The following PDE8B variants were observed in gnomAD, a reference collection of about 807,000 sequenced individuals.
The protein encoded by PDE8B is high affinity cAMP-specific and IBMX-insensitive 3',5'-cyclic phosphodiesterase 8B.
In PDE8B, 26 loss-of-function variants were observed where a neutral mutation model predicts 101.3. The observed-to-expected ratio is 0.26, with a 90% CI of 0.19 to 0.36. The LOEUF is 0.36. Among genes scored for constraint, PDE8B ranks in the 10% least tolerant of loss-of-function variants. The probability of loss-of-function intolerance (pLI) is 1.00; values close to 1 mark genes in which losing one functional copy is unlikely to be tolerated. For missense variants in PDE8B, 810 were observed against 1,163.1 expected (o/e 0.70, Z 4.42); for synonymous variants, 424 against 429.3 (o/e 0.99, Z 0.15).
At chr5:77,409,694 T>A (rs1372462489) in intron 14 of PDE8B, among the ~76,000 whole-genome samples, 1 of 152,134 alleles carries the variant, frequency 6.6e-6, no homozygotes, top group African/African-American at 2.4e-5. Flanking sequence ...TTCATAATTA[T>A]CTATCAGCAA....
chr5:77,334,019 A>G (rs947922917), intron 5 of PDE8B, among the ~76,000 whole-genome samples: 3 of 152,238 alleles, frequency 2.0e-5, no homozygotes, highest in Non-Finnish European at 4.4e-5. Flanking sequence ...CGCTGCACCT[A>G]CAACAGCTCT....
intron 10 of PDE8B, among the ~76,000 whole-genome samples, chr5:77,370,889 A>ACTAATAATG (rs1210929722): frequency 6.6e-6 from 1 of 152,214 alleles, no homozygotes; most frequent in East Asian, 1.9e-4. Context: ...TTCTCTGATG[A>ACTAATAATG]CTAATAATGT....
At chr5:77,299,501 CTA>C (rs1769421190) in intron 1 of PDE8B, among the ~76,000 whole-genome samples, 1 of 148,286 alleles carries the variant, frequency 6.7e-6, no homozygotes, top group Admixed American at 6.8e-5. Context: ...CAGTTCCCAC[CTA>C]TGAGTGAGAA....
the PDE8B span, among the ~76,000 whole-genome samples, chr5:77,130,625 A>G: frequency 6.6e-6 from 1 of 152,218 alleles, no homozygotes; most frequent in African/African-American, 2.4e-5. Flanking sequence ...TTAGAAAGGT[A>G]TATGACACAT....
chr5:77,140,734 C>G, the PDE8B span: 1 of 152,152 alleles, frequency 6.6e-6, no homozygotes, highest in Non-Finnish European at 1.5e-5. Context: ...TTTCCAAAAG[C>G]CTGCAGTTTA....
the PDE8B span, among the ~76,000 whole-genome samples, chr5:77,125,108 T>G: frequency 1.3e-5 from 2 of 152,174 alleles, no homozygotes; most frequent in East Asian, 3.8e-4. Flanking sequence ...TTCTTCCACC[T>G]CAGCCTCTGG....
chr5:77,288,083 G>C (rs1353965400), intron 1 of PDE8B, among the ~76,000 whole-genome samples: 2 of 152,204 alleles, frequency 1.3e-5, no homozygotes, highest in Non-Finnish European at 2.9e-5. Flanking sequence ...CTAGTTGGCA[G>C]CTGGGAAGGG....
chr5:77,400,254 A>G lies in PDE8B; in HGVS notation c.1174A>G (p.Lys392Glu), dbSNP rs150917691. Residue 392 changes from lysine (K) to glutamate (E), a missense_variant, in exon 11 of 22, where the codon AAG (lysine) becomes GAG (glutamate). Physicochemically the swap from Lys to Glu is moderately conservative, Grantham distance 56 (BLOSUM62 1). Transcript: ENST00000264917. ...AACTTTTGAACGACTTTAGATTCAC[A>G]AGATTCATCGTGATTCAGGAGACAA... ...CTTDNNKQIH[K>E]IHRDSGDNSQ... is the part of the protein sequence containing the mutation. 3.1e-6 allele frequency: 5 copies of G among 1,601,260 alleles called. No homozygotes were observed. Among genetic ancestry groups the G allele is most frequent in the Non-Finnish European group, 4.3e-6 (5 of 1,168,438 alleles).
intron 10 of PDE8B, among the ~76,000 whole-genome samples, chr5:77,385,795 G>GTTTTTTTT (rs35717428): frequency 2.8e-5 from 3 of 107,990 alleles, no homozygotes; most frequent in African/African-American, 3.8e-5. Context: ...AGTGAGTGAG[G>GTTTTTTTT]TTTTTTTTTT....
At chr5:77,176,296 G>A in the PDE8B span, among the ~76,000 whole-genome samples, 53 of 152,218 alleles carry the variant, frequency 3.5e-4, no homozygotes, top group South Asian at 6.4e-3. Flanking sequence ...TCACCCTAGC[G>A]CTGTCTACCC....
chr5:77,166,929 G>A, the PDE8B span: 2 of 152,196 alleles, frequency 1.3e-5, no homozygotes, highest in Non-Finnish European at 2.9e-5. Flanking sequence ...TTTCCCTACG[G>A]TACAGTACAT....
At chr5:77,158,816 A>C in the PDE8B span, among the ~76,000 whole-genome samples, 1 of 152,146 alleles carries the variant, frequency 6.6e-6, no homozygotes, top group African/African-American at 2.4e-5. Context: ...ACTACACCTG[A>C]GAAAGAGGGA....
At chr5:77,271,959 G>A (rs1287104025) in intron 1 of PDE8B, among the ~76,000 whole-genome samples, 1 of 152,116 alleles carries the variant, frequency 6.6e-6, no homozygotes, top group African/African-American at 2.4e-5. Context: ...GTGGTCCTCG[G>A]AACAGTACCA....
In PDE8B at chr5:77,421,952, A is replaced by G. The variant is rs761524362; in HGVS notation, c.2382A>G (p.Glu794=). Residue 794 remains glutamate, a synonymous_variant, in exon 20 of 22, where the codon GAA becomes GAG. Coordinates refer to ENST00000264917, the MANE Select transcript of PDE8B (RefSeq NM_003719.5). ...GCCGCCCCTTGGACCTGTGCATTGA[A>G]TGGGCTGGGAGGATCTCTGAGGAGT... is the stretch of plus-strand genomic sequence containing the variant. ...NPCRPLDLCI[E]WAGRISEEYF... 1.2e-6 allele frequency: 2 copies of G among 1,614,210 alleles called. No individual in the cohort carries two copies. Among genetic ancestry groups the G allele is most frequent in the Non-Finnish European group, 1.7e-6 (2 of 1,180,032 alleles).
chr5:77,309,943 C>CTTTTTTTTTTT (rs955296324), intron 1 of PDE8B, among the ~76,000 whole-genome samples: 12 of 114,166 alleles, frequency 1.1e-4, no homozygotes, highest in African/African-American at 3.3e-4. Flanking sequence ...AATCATTAAT[C>CTTTTTTTTTTT]TTTTTTTTTT....
the PDE8B span, among the ~76,000 whole-genome samples, chr5:77,153,515 C>T: frequency 7.9e-5 from 12 of 150,950 alleles, no homozygotes; most frequent in South Asian, 1.3e-3. Flanking sequence ...TATTTACTTA[C>T]TTATTTACTT....
intron 12 of PDE8B, 28 bp downstream of exon 12, chr5:77,404,825 C>G (rs1186773158): frequency 1.1e-5 from 16 of 1,412,068 alleles, no homozygotes; most frequent in Non-Finnish European, 1.3e-5. Context: ...TTCCTCTGAC[C>G]TTTTTAAAAT....
the PDE8B span, chr5:77,140,850 G>A: frequency 6.6e-6 from 1 of 152,106 alleles, no homozygotes; most frequent in African/African-American, 2.4e-5. Flanking sequence ...ACAGGCTGCT[G>A]TACAGAGTAT....
chr5:77,247,906 C>T (rs1438633579), intron 1 of PDE8B, among the ~76,000 whole-genome samples: 1 of 152,152 alleles, frequency 6.6e-6, no homozygotes. Context: ...AGTAGGTATT[C>T]AGTAAATGTT....
Sources: allele counts gnomAD v4.1 joint callset (sites outside exome capture counted in the v4.1 genomes callset), GRCh38; gene constraint gnomAD v4.1.1; transcripts MANE v1.5; gene names NCBI Gene and HGNC (gene_info 2026-07-23, HGNC 2026-07-21).